The following GALNT1 variants were observed in gnomAD, a reference collection of about 807,000 sequenced individuals.
The protein encoded by GALNT1 is GalNAc transferase 1.
GALNT1 carries 17 observed loss-of-function variants against 65.7 expected under a neutral mutation model. The observed-to-expected ratio is 0.26, with a 90% confidence interval of 0.18 to 0.39. GALNT1 has a LOEUF of 0.39. GALNT1 is among the 10% of genes least tolerant of loss of function. The probability of loss-of-function intolerance (pLI) is 1.00; values close to 1 mark genes in which losing one functional copy is unlikely to be tolerated. For synonymous variants in GALNT1, 210 were observed against 219.7 expected, an observed-to-expected ratio of 0.96 and a Z score of 0.39; for missense variants, 460 against 672.8, an observed-to-expected ratio of 0.68 and a Z score of 3.50.
Position 35,691,055 on chromosome 18 carries a change from A to G in GALNT1, c.1022A>G (p.His341Arg). The change falls in exon 8 of 12, where the codon CAT (histidine) becomes CGT (arginine). Residue 341 changes from histidine to arginine, a missense_variant. His to Arg is a conservative substitution (Grantham distance 29). Coordinates refer to ENST00000269195, the MANE Select transcript of GALNT1 (RefSeq NM_020474.4). ...GGTLEIVTCS[H>R]VGHVFRKATP... Reference sequence around the variant, plus strand: ...ACTTTGGAAATTGTTACATGCTCACATGTTGGACATGTGTTTCGGAAAGCT... The same window carrying G: ...ACTTTGGAAATTGTTACATGCTCACGTGTTGGACATGTGTTTCGGAAAGCT... The G allele has an allele frequency of 1.2e-6, 2 of 1,610,510 alleles. No individual in the cohort carries two copies. Among genetic ancestry groups the G allele is most frequent in the Non-Finnish European group, 1.7e-6 (2 of 1,178,750 alleles).
At chr18:35,683,954 C>T (rs2047826141) in intron 5 of GALNT1, among the ~76,000 whole-genome samples, 1 of 152,232 alleles carries the variant, frequency 6.6e-6, no homozygotes, top group Non-Finnish European at 1.5e-5. Flanking sequence ...CTGGAGCAGG[C>T]AGATCCTCTC....
chr18:35,663,600 T>C, intron 2 of GALNT1, 28 bp from the exon 3 acceptor site: 2 of 1,576,918 alleles, frequency 1.3e-6, no homozygotes, highest in Non-Finnish European at 1.7e-6. Context: ...ATGAAATTAA[T>C]GTTAGTTAAG....
At chr18:35,616,123 G>A (rs921636024) in intron 1 of GALNT1, among the ~76,000 whole-genome samples, 4 of 152,128 alleles carry the variant, frequency 2.6e-5, no homozygotes, top group Non-Finnish European at 4.4e-5. Context: ...TCTTAAAAAC[G>A]TAATGTTGGA....
chr18:35,620,630 A>G (rs964543055), intron 1 of GALNT1, among the ~76,000 whole-genome samples: 4 of 152,180 alleles, frequency 2.6e-5, no homozygotes, highest in Non-Finnish European at 5.9e-5. Context: ...TTAAAGCTGT[A>G]TATTAATGGA....
intron 1 of GALNT1, among the ~76,000 whole-genome samples, chr18:35,635,608 CT>C (rs1262344804): frequency 1.2e-4 from 18 of 152,242 alleles, no homozygotes; most frequent in African/African-American, 4.3e-4. Context: ...AGTTGAAATA[CT>C]GTTGGATTTG....
intron 1 of GALNT1, among the ~76,000 whole-genome samples, chr18:35,619,709 C>G (rs557672024): frequency 6.6e-6 from 1 of 152,308 alleles, no homozygotes; most frequent in Admixed American, 6.5e-5. Context: ...TGTCTGCGCT[C>G]AGTAGTGTCG....
chr18:35,639,955 G>A (rs980772361), intron 1 of GALNT1, among the ~76,000 whole-genome samples: 3 of 151,858 alleles, frequency 2.0e-5, no homozygotes, highest in African/African-American at 4.8e-5. Flanking sequence ...TGCCACCACA[G>A]CCGGCTAATT....
At position 35,654,673 on chromosome 18, in the gene GALNT1, T is replaced by C. The variant is rs1464564617; in HGVS notation, c.11T>C (p.Phe4Ser). 3 of 1,426,550 alleles carry C rather than the reference T, an allele frequency of 2.1e-6. No individual in the cohort carries two copies. In the Admixed American group the frequency reaches 7.2e-5, roughly 34 times the overall value. 88.4% of individuals were successfully genotyped at this position (1,426,550 alleles called of 1,614,324 possible). Residue 4 changes from phenylalanine to serine, a missense_variant, in exon 2 of 12, where the codon TTT (phenylalanine) becomes TCT (serine). Phe to Ser is a radical substitution (Grantham distance 155, BLOSUM62 -2). Transcript: ENST00000269195. MRKFAYCKVVLATS... is the reference protein window; with the variant it reads MRKSAYCKVVLATS... ...TTGACTTAAAGTGCCATGAGAAAAT[T>C]TGCATACTGCAAGGTGGTCCTAGCC...
chr18:35,663,084 C>T (rs1159472622), intron 2 of GALNT1, among the ~76,000 whole-genome samples: 1 of 152,004 alleles, frequency 6.6e-6, no homozygotes, highest in African/African-American at 2.4e-5. Flanking sequence ...GAAGAGAAGC[C>T]ATTTTAGTTG....
intron 9 of GALNT1, among the ~76,000 whole-genome samples, chr18:35,696,272 T>G (rs528330336): frequency 6.6e-6 from 1 of 152,338 alleles, no homozygotes; most frequent in Non-Finnish European, 1.5e-5. Flanking sequence ...ATGTGAGCCT[T>G]CCTTTGCTAG....
intron 1 of GALNT1, among the ~76,000 whole-genome samples, chr18:35,629,236 C>G (rs927438957): frequency 2.6e-5 from 4 of 152,162 alleles, no homozygotes; most frequent in East Asian, 3.9e-4. Flanking sequence ...GATACTCCTC[C>G]AGAAGAGCAA....
At chr18:35,662,288 A>G (rs576458264) in intron 2 of GALNT1, among the ~76,000 whole-genome samples, 1 of 152,338 alleles carries the variant, frequency 6.6e-6, no homozygotes, top group Admixed American at 6.5e-5. Flanking sequence ...TTTAAAAACT[A>G]TGTTACTTGA....
chr18:35,651,685 G>A (rs2047312817), intron 1 of GALNT1, among the ~76,000 whole-genome samples: 1 of 152,074 alleles, frequency 6.6e-6, no homozygotes, highest in African/African-American at 2.4e-5. Flanking sequence ...GGACAGCGAA[G>A]GACACACAAA....
At chr18:35,670,011 C>G (rs77343156) in intron 3 of GALNT1, among the ~76,000 whole-genome samples, 4,059 of 152,196 alleles carry the variant, frequency 0.027, 75 homozygotes, top group Middle Eastern at 0.092. Flanking sequence ...GTTTAGAGAC[C>G]GGTCACGGTG....
intron 1 of GALNT1, among the ~76,000 whole-genome samples, chr18:35,604,005 G>C (rs1332993513): frequency 6.6e-6 from 1 of 152,084 alleles, no homozygotes; most frequent in Non-Finnish European, 1.5e-5. Context: ...GGGGTTTGGT[G>C]TGCAGATTCT....
At chr18:35,586,586 G>T (rs1011276346) in intron 1 of GALNT1, among the ~76,000 whole-genome samples, 4 of 151,972 alleles carry the variant, frequency 2.6e-5, no homozygotes, top group East Asian at 1.9e-4. Context: ...AGTTTATGAA[G>T]CTGAGATTTA....
chr18:35,670,206 A>G (rs1190272754), intron 3 of GALNT1, among the ~76,000 whole-genome samples: 1 of 152,072 alleles, frequency 6.6e-6, no homozygotes, highest in East Asian at 1.9e-4. Flanking sequence ...GCAGAAGGAT[A>G]ACTTGAGCTC....
intron 1 of GALNT1, among the ~76,000 whole-genome samples, chr18:35,589,562 G>C (rs1335850390): frequency 6.6e-6 from 1 of 152,080 alleles, no homozygotes; most frequent in Non-Finnish European, 1.5e-5. Flanking sequence ...CAGAAAGCTG[G>C]GATATATGAG....
intron 3 of GALNT1, among the ~76,000 whole-genome samples, chr18:35,675,634 C>T (rs2047701043): frequency 1.3e-5 from 2 of 152,226 alleles, no homozygotes; most frequent in Non-Finnish European, 2.9e-5. Context: ...TAGCCATAGA[C>T]ATGGCTAACA....
Sources: allele counts gnomAD v4.1 joint callset (sites outside exome capture counted in the v4.1 genomes callset), GRCh38; gene constraint gnomAD v4.1.1; transcripts MANE v1.5; gene names NCBI Gene and HGNC (gene_info 2026-07-23, HGNC 2026-07-21).